Variants in SUGCT observed in about 807,000 individuals in gnomAD.
SUGCT encodes succinyl-CoA:glutarate CoA-transferase.
SUGCT carries 41 observed loss-of-function variants against 55.0 expected under a neutral mutation model. The observed-to-expected ratio is 0.74, with a 90% CI of 0.58 to 0.97. The LOEUF (loss-of-function observed/expected upper bound fraction) is 0.97. SUGCT is among the 50% of genes least tolerant of loss of function. SUGCT has a pLI of 0.00. For synonymous variants in SUGCT, 187 were observed against 200.4 expected (o/e 0.93, Z 0.56); for missense variants, 568 against 547.8 (o/e 1.04, Z -0.37).
chr7:40,873,094 T>C, the SUGCT span, among the ~76,000 whole-genome samples: 111 of 152,174 alleles, frequency 7.3e-4, 5 homozygotes, highest in East Asian at 0.019. Context: ...TTCTCTACAA[T>C]ATGGAGCTTT....
the SUGCT span, among the ~76,000 whole-genome samples, chr7:40,871,801 G>A: frequency 6.6e-6 from 1 of 151,906 alleles, no homozygotes; most frequent in Admixed American, 6.6e-5. Context: ...TAACCTCTTC[G>A]GGGGAGCTCA....
At chr7:40,144,409 T>C (rs1788141718) in intron 1 of SUGCT, among the ~76,000 whole-genome samples, 1 of 152,198 alleles carries the variant, frequency 6.6e-6, no homozygotes, top group South Asian at 2.1e-4. Flanking sequence ...CCCCTGGGAC[T>C]ATGGCCCATG....
intron 12 of SUGCT, among the ~76,000 whole-genome samples, chr7:40,691,706 T>G (rs1224177752): frequency 3.9e-5 from 6 of 152,218 alleles, no homozygotes; most frequent in Non-Finnish European, 7.3e-5. Context: ...GAAAGTCAAA[T>G]GGATGTCTTT....
intron 12 of SUGCT, among the ~76,000 whole-genome samples, chr7:40,518,038 G>A (rs1320100806): frequency 6.6e-6 from 1 of 152,124 alleles, no homozygotes; most frequent in Non-Finnish European, 1.5e-5. Flanking sequence ...AGAATTTGGC[G>A]GGAGATTGAA....
chr7:41,018,429 A>G, the SUGCT span, among the ~76,000 whole-genome samples: 1 of 152,162 alleles, frequency 6.6e-6, no homozygotes, highest in Non-Finnish European at 1.5e-5. Flanking sequence ...AAAGGTGAGG[A>G]AGCATGGCAG....
chr7:40,600,944 GT>G (rs1798265938), intron 12 of SUGCT, among the ~76,000 whole-genome samples: 2 of 152,062 alleles, frequency 1.3e-5, no homozygotes, highest in African/African-American at 4.8e-5. Context: ...TGTTCCAATA[GT>G]TTTTGGTCAA....
At chr7:40,268,473 AG>A (rs1791760688) in intron 7 of SUGCT, among the ~76,000 whole-genome samples, 1 of 152,170 alleles carries the variant, frequency 6.6e-6, no homozygotes, top group African/African-American at 2.4e-5. Flanking sequence ...TTGTATTAGT[AG>A]AATAGTTTCT....
chr7:40,969,015 G>A, the SUGCT span, among the ~76,000 whole-genome samples: 1 of 152,198 alleles, frequency 6.6e-6, no homozygotes, highest in Admixed American at 6.5e-5. Flanking sequence ...TCCAGCTCCT[G>A]CTCCAGCCGG....
At chr7:40,832,292 G>A (rs1162086835) in intron 13 of SUGCT, among the ~76,000 whole-genome samples, 1 of 152,090 alleles carries the variant, frequency 6.6e-6, no homozygotes, top group African/African-American at 2.4e-5. Flanking sequence ...TTCCTTTAAT[G>A]TTAAGTGGGA....
intron 9 of SUGCT, among the ~76,000 whole-genome samples, chr7:40,364,422 C>A (rs1783815196): frequency 6.6e-6 from 1 of 152,084 alleles, no homozygotes; most frequent in African/African-American, 2.4e-5. Context: ...ATGGTCTTTA[C>A]ATTTTGGCAT....
intron 13 of SUGCT, among the ~76,000 whole-genome samples, chr7:40,766,923 G>A (rs1368650683): frequency 1.3e-5 from 2 of 152,182 alleles, no homozygotes; most frequent in South Asian, 4.1e-4. Context: ...TTGGATGAAA[G>A]CGATAGCCTG....
At chr7:40,244,561 G>A (rs886537585) in intron 7 of SUGCT, among the ~76,000 whole-genome samples, 2 of 152,238 alleles carry the variant, frequency 1.3e-5, no homozygotes, top group African/African-American at 2.4e-5. Context: ...GCTGTGCTTC[G>A]TAAGATTAGT....
At chr7:40,963,713 A>G in the SUGCT span, among the ~76,000 whole-genome samples, 2 of 150,516 alleles carry the variant, frequency 1.3e-5, no homozygotes, top group South Asian at 4.2e-4. Context: ...CTGCTTATAT[A>G]CAGTCATCAA....
chr7:41,017,328 A>G, the SUGCT span, among the ~76,000 whole-genome samples: 1 of 132,652 alleles, frequency 7.5e-6, no homozygotes, highest in Admixed American at 7.3e-5. Context: ...GATGCGATAC[A>G]TGGGAAAGAC....
At chr7:40,433,506 T>A (rs1788015478) in intron 9 of SUGCT, among the ~76,000 whole-genome samples, 1 of 152,168 alleles carries the variant, frequency 6.6e-6, no homozygotes, top group African/African-American at 2.4e-5. Context: ...AGTTTATTAG[T>A]CTTTTGGTCT....
At chr7:40,179,132 G>C (rs1399885852) in intron 1 of SUGCT, among the ~76,000 whole-genome samples, 1 of 151,910 alleles carries the variant, frequency 6.6e-6, no homozygotes, top group East Asian at 1.9e-4. Context: ...AGGATATTAT[G>C]TTTTACATAA....
chr7:40,614,610 A>G (rs1270640775), intron 12 of SUGCT, among the ~76,000 whole-genome samples: 7 of 152,212 alleles, frequency 4.6e-5, no homozygotes. Context: ...ATGAGGCCAT[A>G]CCACAGTTTA....
chr7:40,968,328 C>T, the SUGCT span: 8 of 152,212 alleles, frequency 5.3e-5, no homozygotes, highest in African/African-American at 1.9e-4. Flanking sequence ...AACGTGAAAC[C>T]AAACAGTGGA....
At chr7:40,503,178 G>C (rs1422487818) in intron 12 of SUGCT, among the ~76,000 whole-genome samples, 2 of 152,042 alleles carry the variant, frequency 1.3e-5, no homozygotes, top group Non-Finnish European at 1.5e-5. Context: ...TATTAACCTT[G>C]ATTGAGAGAC....
Sources: gnomAD v4.1 joint callset for allele counts (sites outside exome capture counted in the v4.1 genomes callset) on GRCh38, gnomAD v4.1.1 for gene constraint, MANE v1.5 for transcripts, NCBI Gene and HGNC (gene_info 2026-07-23, HGNC 2026-07-21) for gene names.